The following AHDC1 variants were observed in gnomAD, a reference collection of about 807,000 sequenced individuals.
AHDC1 encodes the protein AT-hook DNA binding motif containing 1.
Under a neutral mutation model 87.9 loss-of-function variants are expected in AHDC1, and 7 were observed. The observed-to-expected ratio is 0.08, with a 90% CI of 0.05 to 0.15. AHDC1 has a LOEUF of 0.15. Among genes scored for constraint, AHDC1 ranks in the 10% least tolerant of loss-of-function variants. The pLI is 1.00. For synonymous variants in AHDC1, 1,051 were observed against 1,006.8 expected (o/e 1.04, Z -0.83); for missense variants, 1,841 against 2,253.2 (o/e 0.82, Z 3.70).
At chr1:27,600,252 C>T (rs1222561485) in intron 3 of AHDC1, among the ~76,000 whole-genome samples, 1 of 151,964 alleles carries the variant, frequency 6.6e-6, no homozygotes, top group African/African-American at 2.4e-5. Flanking sequence ...CCCATAGTCC[C>T]CAGCTCCACT....
At chr1:27,555,692 G>A (rs2019784926) in intron 5 of AHDC1, among the ~76,000 whole-genome samples, 1 of 152,204 alleles carries the variant, frequency 6.6e-6, no homozygotes, top group African/African-American at 2.4e-5. Flanking sequence ...GCACCCACTT[G>A]GAGATGCCCA....
intron 3 of AHDC1, among the ~76,000 whole-genome samples, chr1:27,577,360 C>T (rs1186438299): frequency 3.9e-5 from 6 of 152,212 alleles, no homozygotes; most frequent in Admixed American, 2.6e-4. Context: ...GAGGGGCCCC[C>T]AGGACAGGAT....
intron 3 of AHDC1, among the ~76,000 whole-genome samples, chr1:27,596,087 T>C (rs2089363633): frequency 6.6e-6 from 1 of 151,996 alleles, no homozygotes; most frequent in African/African-American, 2.4e-5. Flanking sequence ...GATGCCCCTC[T>C]GGGAGAATGA....
In AHDC1 at chr1:27,600,567, A is replaced by G. The variant is rs1393035591; in HGVS notation, c.-629+2830T>C. ...TTTGCCTGGAGGAAGCCCCTGTCCA[A>G]TGGGGAACAGAAGCATAGAGGTGGG... On this transcript the variant is annotated intron_variant, in intron 3 of 8. Coordinates refer to ENST00000673934, the MANE Select transcript of AHDC1 (RefSeq NM_001371928.1). 5.3e-5 allele frequency among the ~76,000 whole-genome samples: 8 copies of G among 152,258 alleles called. No individual in the cohort carries two copies. The East Asian group carries it at 1.5e-3, about 29-fold the overall frequency.
rs1415226021 is a variant in AHDC1, at chr1:27,548,191, T to C, written c.3925A>G (p.Ser1309Gly). The C allele has an allele frequency of 5.0e-6, 8 of 1,613,702 alleles. No homozygotes were observed. The highest frequency in any genetic ancestry group is 1.3e-5 in the African/African-American group (1 of 75,070). The change falls in exon 8 of 9, where the codon AGT becomes GGT. Residue 1309 changes from serine to glycine, a missense_variant. By Grantham distance (56) the Ser-to-Gly change is moderately conservative. This residue lies in a region of AHDC1 where 505 missense variants were observed against 626.2 expected (regional missense o/e 0.81). Transcript: ENST00000673934. ...PQPVNPLFQD[S>G]PDLGLDYYSG... is the part of the protein sequence containing the mutation. ...TAGTAGTCCAGGCCGAGGTCAGGAC[T>C]GTCCTGGAACAGTGGGTTGACTGGC... is the stretch of plus-strand genomic sequence containing the variant.
rs369467920 is a variant in AHDC1 at position 27,551,108 on chromosome 1, G to T, written c.1008C>A (p.Pro336=). Residue 336 remains proline (P), a synonymous_variant, in exon 8 of 9, where the codon CCC becomes CCA. Coordinates refer to ENST00000673934, the MANE Select transcript of AHDC1 (RefSeq NM_001371928.1). The part of the protein sequence containing the change: ...SQLLDPQALD[P]LPKLLDVPGR... ...CTGGGACGTCAAGCAGCTTGGGCAGGGGGTCGAGTGCCTGGGGGTCAAGCA... is the reference window on the plus strand; with the variant it reads ...CTGGGACGTCAAGCAGCTTGGGCAGTGGGTCGAGTGCCTGGGGGTCAAGCA... 1.1e-4 allele frequency: 178 copies of T among 1,581,132 alleles called. No individual in the cohort carries two copies. In the African/African-American group the frequency reaches 2.1e-3, roughly 19 times the overall value.
chr1:27,596,956 C>T (rs1423658093), intron 3 of AHDC1, among the ~76,000 whole-genome samples: 1 of 152,194 alleles, frequency 6.6e-6, no homozygotes, highest in Non-Finnish European at 1.5e-5. Flanking sequence ...CACTCGCCAT[C>T]CCTTCTACCT....
At position 27,551,139 on chromosome 1, in the gene AHDC1, G is replaced by A. The variant is rs1402351165; in HGVS notation, c.977C>T (p.Ser326Leu). ...GAGTGCCTGGGGGTCAAGCAGCTGCGACTCCAAGGAGTCAGGCAGGGTGTC... is the reference window on the plus strand; with the variant it reads ...GAGTGCCTGGGGGTCAAGCAGCTGCAACTCCAAGGAGTCAGGCAGGGTGTC... ...ALDTLPDSLE[S>L]QLLDPQALDP... Residue 326 changes from serine to leucine, a missense_variant, in exon 8 of 9, where the codon TCG (serine) becomes TTG (leucine). Physicochemically the swap from Ser to Leu is moderately radical, Grantham distance 145. This residue lies in a region of AHDC1 where 370 missense variants were observed against 391.5 expected (regional missense o/e 0.95). Transcript: ENST00000673934. 6.9e-6 allele frequency: 11 copies of A among 1,598,780 alleles called. No individual in the cohort carries two copies. The highest frequency in any genetic ancestry group is 4.4e-5 in the South Asian group (4 of 90,012).
intron 3 of AHDC1, among the ~76,000 whole-genome samples, chr1:27,570,213 G>A (rs1033065635): frequency 1.3e-5 from 2 of 151,342 alleles, no homozygotes; most frequent in African/African-American, 2.4e-5. Context: ...CTGCCCTGCC[G>A]GGATCAGATA....
chr1:27,586,543 C>T (rs1200774109), intron 3 of AHDC1, among the ~76,000 whole-genome samples: 3 of 152,174 alleles, frequency 2.0e-5, no homozygotes, highest in African/African-American at 7.2e-5. Flanking sequence ...ATTAAAATAG[C>T]ACAGGAAATT....
At chr1:27,576,810 C>G (rs1377064093) in intron 3 of AHDC1, among the ~76,000 whole-genome samples, 1 of 152,188 alleles carries the variant, frequency 6.6e-6, no homozygotes, top group Admixed American at 6.5e-5. Context: ...GGGGATCACA[C>G]CAGTGTCACC....
intron 3 of AHDC1, among the ~76,000 whole-genome samples, chr1:27,588,688 G>C (rs529680475): frequency 6.6e-6 from 1 of 152,316 alleles, no homozygotes; most frequent in South Asian, 2.1e-4. Context: ...ACATGGGCAA[G>C]AAGAGGTGAG....
At chr1:27,569,502 C>CA (rs2020475862) in intron 3 of AHDC1, among the ~76,000 whole-genome samples, 1 of 152,166 alleles carries the variant, frequency 6.6e-6, no homozygotes. Flanking sequence ...CTGCAGACAG[C>CA]AAAGCCATCT....
At chr1:27,596,193 G>T (rs2089366775) in intron 3 of AHDC1, among the ~76,000 whole-genome samples, 1 of 152,018 alleles carries the variant, frequency 6.6e-6, no homozygotes, top group Non-Finnish European at 1.5e-5. Context: ...GTTGAGACAG[G>T]CAGTCCATCT....
At chr1:27,555,200 C>G (rs2019764052) in intron 5 of AHDC1, among the ~76,000 whole-genome samples, 1 of 152,212 alleles carries the variant, frequency 6.6e-6, no homozygotes, top group South Asian at 2.1e-4. Flanking sequence ...AGGCCCTAGT[C>G]CAGGGGAATG....
intron 3 of AHDC1, among the ~76,000 whole-genome samples, chr1:27,587,948 C>T (rs559231834): frequency 6.6e-6 from 1 of 152,284 alleles, no homozygotes; most frequent in African/African-American, 2.4e-5. Flanking sequence ...ACCATCATCT[C>T]CCACTTGCAC....
At chr1:27,564,986 C>T (rs951702968) in intron 3 of AHDC1, among the ~76,000 whole-genome samples, 4 of 152,276 alleles carry the variant, frequency 2.6e-5, no homozygotes, top group South Asian at 2.1e-4. Context: ...GTCCTGGCCA[C>T]GGACAGCCTC....
chr1:27,569,307 C>CA (rs376980994), intron 3 of AHDC1, among the ~76,000 whole-genome samples: 6 of 152,112 alleles, frequency 3.9e-5, no homozygotes, highest in African/African-American at 1.2e-4. Context: ...TACTCTGTGC[C>CA]AATCCTCATC....
intron 3 of AHDC1, among the ~76,000 whole-genome samples, chr1:27,575,059 G>T (rs1447634493): frequency 6.6e-6 from 1 of 152,236 alleles, no homozygotes; most frequent in African/African-American, 2.4e-5. Context: ...CATGCTGGGA[G>T]AAGACTGCCT....
Sources: gnomAD v4.1 joint callset for allele counts (sites outside exome capture counted in the v4.1 genomes callset) on GRCh38, gnomAD v4.1.1 for gene constraint, gnomAD v4.1.1 regional missense constraint, MANE v1.5 for transcripts, NCBI Gene and HGNC (gene_info 2026-07-23, HGNC 2026-07-21) for gene names.